Variants in KCNJ6 observed in about 807,000 individuals in gnomAD.
KCNJ6 encodes G protein-activated inward rectifier potassium channel 2.
KCNJ6 carries 9 observed loss-of-function variants against 34.2 expected under a neutral mutation model. That is an observed-to-expected ratio of 0.26 (90% CI 0.16 to 0.46). The LOEUF (loss-of-function observed/expected upper bound fraction) is 0.46. Ranked by LOEUF, KCNJ6 falls within the 20% of genes least tolerant of loss-of-function variation. The pLI is 1.00. For missense variants in KCNJ6, 236 were observed against 531.3 expected, an observed-to-expected ratio of 0.44 and a Z score of 5.46; for synonymous variants, 196 against 207.1, an observed-to-expected ratio of 0.95 and a Z score of 0.46.
At chr21:37,790,906 C>T (rs896195654) in intron 2 of KCNJ6, among the ~76,000 whole-genome samples, 8 of 152,224 alleles carry the variant, frequency 5.3e-5, no homozygotes, top group African/African-American at 1.7e-4. Context: ...AAGTTTAATA[C>T]CTCATCCAAG....
intron 2 of KCNJ6, among the ~76,000 whole-genome samples, chr21:37,826,613 A>T (rs933508805): frequency 1.2e-5 from 1 of 83,462 alleles, no homozygotes; most frequent in African/African-American, 1.1e-4. Context: ...CAATTTATTA[A>T]AAAAAAAAAC....
chr21:37,629,121 C>T (rs147236282), intron 3 of KCNJ6, among the ~76,000 whole-genome samples: 120 of 152,212 alleles, frequency 7.9e-4, no homozygotes, highest in African/African-American at 2.7e-3. Context: ...TGGCCATAGA[C>T]TAGACCGTAA....
chr21:37,649,216 T>A (rs923598881), intron 3 of KCNJ6, among the ~76,000 whole-genome samples: 1 of 151,290 alleles, frequency 6.6e-6, no homozygotes, highest in Non-Finnish European at 1.5e-5. Context: ...TCCTCACTTA[T>A]CTTACATTTC....
intron 2 of KCNJ6, among the ~76,000 whole-genome samples, chr21:37,839,907 C>T (rs1039387318): frequency 6.6e-6 from 1 of 152,178 alleles, no homozygotes; most frequent in Non-Finnish European, 1.5e-5. Context: ...GATTCTCCTG[C>T]CTCAGCTTCC....
rs11292118 is a variant in KCNJ6 at position 37,914,916 on chromosome 21, GTTT to G, written c.-28+965_-28+967del. Among the ~76,000 whole-genome samples the G allele has an allele frequency of 0.021, 3,003 of 144,658 alleles. 170 individuals carry two copies. The East Asian group carries it at 0.22, about 11-fold the overall frequency. The allele number at this position is 144,658 out of a possible 152,430, so 94.9% of individuals were successfully genotyped here. On this transcript the variant is annotated intron_variant, in intron 1 of 3. Coordinates refer to ENST00000609713, the MANE Select transcript of KCNJ6 (RefSeq NM_002240.5). ...AACTCCCAAACACTGGAGTTGTGGG[GTTT>G]TTTTTTTTTTCTCTTCCTTTTTTTG...
intron 3 of KCNJ6, among the ~76,000 whole-genome samples, chr21:37,664,706 A>G (rs368296310): frequency 7.2e-5 from 11 of 152,138 alleles, no homozygotes; most frequent in African/African-American, 2.6e-4. Context: ...AGAAAATGCT[A>G]GATGGTGTTT....
intron 3 of KCNJ6, among the ~76,000 whole-genome samples, chr21:37,687,001 G>C (rs982299275): frequency 6.6e-6 from 1 of 152,154 alleles, no homozygotes; most frequent in Non-Finnish European, 1.5e-5. Context: ...GCTGAACGAA[G>C]CTAATTTCTG....
At chr21:37,864,205 A>G (rs2055610460) in intron 1 of KCNJ6, among the ~76,000 whole-genome samples, 1 of 151,678 alleles carries the variant, frequency 6.6e-6, no homozygotes, top group East Asian at 1.9e-4. Flanking sequence ...TCTGCCTCCT[A>G]CATTCAAGTG....
At chr21:37,815,737 G>A (rs563749051) in intron 2 of KCNJ6, among the ~76,000 whole-genome samples, 2 of 152,326 alleles carry the variant, frequency 1.3e-5, no homozygotes, top group East Asian at 3.9e-4. Flanking sequence ...GCTCAGACTC[G>A]AAGGAGCAGG....
At chr21:37,641,862 T>G (rs1044576322) in intron 3 of KCNJ6, among the ~76,000 whole-genome samples, 8 of 151,940 alleles carry the variant, frequency 5.3e-5, no homozygotes, top group Non-Finnish European at 7.4e-5. Context: ...AGAACAGAAG[T>G]GATGAAGATA....
chr21:37,853,853 T>TATATATATATATATATATAC lies in KCNJ6; in HGVS notation c.-27-13145_-27-13144insGTATATATATATATATATAT, dbSNP rs58043642. On this transcript the variant is annotated intron_variant, in intron 1 of 3. Coordinates refer to ENST00000609713, the MANE Select transcript of KCNJ6 (RefSeq NM_002240.5). ...AGAGATACATATATATATGTATATA[T>TATATATATATATATATATAC]ATATATATAAATTACATTGTGTATA... is the stretch of plus-strand genomic sequence containing the variant. 1.6e-3 allele frequency among the ~76,000 whole-genome samples: 225 copies of TATATATATATATATATATAC among 142,270 alleles called. 4 individuals are homozygous for TATATATATATATATATATAC. In the East Asian group the frequency reaches 0.016, roughly 10 times the overall value. The allele number at this position is 142,270 out of a possible 152,430, so 93.3% of individuals were successfully genotyped here.
intron 3 of KCNJ6, among the ~76,000 whole-genome samples, chr21:37,663,515 A>G (rs1416629494): frequency 7.9e-5 from 12 of 152,208 alleles, no homozygotes; most frequent in Non-Finnish European, 2.9e-5. Context: ...TCCCCAAACA[A>G]AAGGGCATAG....
At chr21:37,749,371 A>G (rs1252168873) in intron 2 of KCNJ6, among the ~76,000 whole-genome samples, 1 of 152,240 alleles carries the variant, frequency 6.6e-6, no homozygotes, top group Non-Finnish European at 1.5e-5. Flanking sequence ...GGCAAGCACC[A>G]GCACAGCCTG....
chr21:37,654,522 A>C (rs61978571), intron 3 of KCNJ6, among the ~76,000 whole-genome samples: 1 of 152,138 alleles, frequency 6.6e-6, no homozygotes, highest in African/African-American at 2.4e-5. Context: ...AAACAGCACC[A>C]GTCAGGGGTA....
At chr21:37,753,285 C>G (rs896879285) in intron 2 of KCNJ6, among the ~76,000 whole-genome samples, 1 of 152,160 alleles carries the variant, frequency 6.6e-6, no homozygotes, top group Non-Finnish European at 1.5e-5. Context: ...GATGGTATTT[C>G]CTGACTTGGG....
chr21:37,723,276 C>T (rs2054836219), intron 2 of KCNJ6, among the ~76,000 whole-genome samples: 1 of 152,140 alleles, frequency 6.6e-6, no homozygotes, highest in Admixed American at 6.5e-5. Context: ...CAAAAAACAA[C>T]AGATGCTTGT....
In KCNJ6 at chr21:37,611,406, A is replaced by G. The variant is rs1397771252; in HGVS notation, c.*13753T>C. 2.0e-5 allele frequency: 3 copies of G among 152,248 alleles called. No individual in the cohort carries two copies. Among genetic ancestry groups the G allele is most frequent in the African/African-American group, 7.2e-5 (3 of 41,468 alleles). The allele number at this position is 152,248 out of a possible 1,614,324, so 9.4% of individuals were successfully genotyped here. On this transcript the variant is annotated 3_prime_UTR_variant, in exon 4 of 4. Transcript: ENST00000609713. ...CCAGATGGGTTCACTGGTGAATTCT[A>G]CCAAAGACTTAAGGAAGAAATGATA...
At chr21:37,791,037 C>T (rs1382512649) in intron 2 of KCNJ6, among the ~76,000 whole-genome samples, 1 of 152,202 alleles carries the variant, frequency 6.6e-6, no homozygotes, top group African/African-American at 2.4e-5. Context: ...ATTTGTCTCA[C>T]AATCCAGCTG....
In KCNJ6 at chr21:37,695,413, C is replaced by T. The variant is rs2054659600; in HGVS notation, c.946+18798G>A. The stretch of plus-strand genomic sequence containing the variant: ...CAGACACAGGGTCAGTTTCACAGGG[C>T]TGGTTTTTACATTATGCAGCTCAAT... On this transcript the variant is annotated intron_variant, in intron 3 of 3. Coordinates refer to ENST00000609713, the MANE Select transcript of KCNJ6 (RefSeq NM_002240.5). The surrounding 1 kb of genome is among the most constrained non-coding windows in gnomAD (Gnocchi z 4.2). Among the ~76,000 whole-genome samples the T allele has an allele frequency of 2.6e-5, 4 of 152,174 alleles. No homozygotes were observed. Among genetic ancestry groups the T allele is most frequent in the Admixed American group, 2.6e-4 (4 of 15,282 alleles).
Sources: allele counts gnomAD v4.1 joint callset (sites outside exome capture counted in the v4.1 genomes callset), GRCh38; gene constraint gnomAD v4.1.1; non-coding constraint Gnocchi (gnomAD v3.1); transcripts MANE v1.5; gene names NCBI Gene and HGNC (gene_info 2026-07-23, HGNC 2026-07-21).